ZCCHC4: variants seen among roughly 807,000 people sequenced by gnomAD.
ZCCHC4 encodes the protein zinc finger CCHC-type containing 4.
ZCCHC4 carries 54 observed loss-of-function variants against 67.7 expected under a neutral mutation model. The observed-to-expected ratio is 0.80, with a 90% CI of 0.64 to 1.00. The LOEUF (loss-of-function observed/expected upper bound fraction) is 1.00, where lower values mean the gene tolerates loss of function less well. ZCCHC4 is among the 50% of genes least tolerant of loss of function. ZCCHC4 has a pLI of 0.00. For synonymous variants in ZCCHC4, 198 were observed against 213.5 expected (o/e 0.93, Z 0.63); for missense variants, 609 against 617.0 (o/e 0.99, Z 0.14).
At chr4:25,363,125 G>A (rs1449901159) in intron 10 of ZCCHC4, among the ~76,000 whole-genome samples, 2 of 152,198 alleles carry the variant, frequency 1.3e-5, no homozygotes, top group Non-Finnish European at 2.9e-5. Flanking sequence ...GTGTCATACA[G>A]AGTGGTTTCA....
At chr4:25,366,515 G>C (rs1355709806) in intron 12 of ZCCHC4, among the ~76,000 whole-genome samples, 2 of 151,860 alleles carry the variant, frequency 1.3e-5, no homozygotes, top group Admixed American at 6.6e-5. Flanking sequence ...ACGGGGTTTC[G>C]CCGTGTTAGC....
intron 10 of ZCCHC4, 77 bp downstream of exon 10, chr4:25,362,378 C>T (rs1458919421): frequency 1.0e-6 from 1 of 960,658 alleles, no homozygotes; most frequent in African/African-American, 1.7e-5. Context: ...ATTACTTTTT[C>T]AATGTTATTT....
chr4:25,368,354 G>T (rs1471585381), intron 12 of ZCCHC4, among the ~76,000 whole-genome samples: 3 of 152,194 alleles, frequency 2.0e-5, no homozygotes, highest in Non-Finnish European at 2.9e-5. Context: ...TTTCTCAGCT[G>T]CAGGTCGCCT....
intron 10 of ZCCHC4, 143 bp from the exon 11 acceptor site, chr4:25,364,311 C>G (rs551222621): frequency 2.9e-5 from 16 of 552,594 alleles, no homozygotes; most frequent in Non-Finnish European, 4.6e-5. Flanking sequence ...ATCAAAGTAT[C>G]TAATTGTGAA....
intron 12 of ZCCHC4, chr4:25,365,629 T>G: frequency 3.0e-6 from 3 of 985,916 alleles, no homozygotes; most frequent in Non-Finnish European, 3.6e-6. Context: ...GTATCAAATT[T>G]TAAGAAAAAT....
At chr4:25,325,214 A>G (rs1383000389) in intron 3 of ZCCHC4, among the ~76,000 whole-genome samples, 2 of 117,002 alleles carry the variant, frequency 1.7e-5, no homozygotes, top group Admixed American at 1.8e-4. Context: ...ACTGCACTCC[A>G]GCCTGGGCGA....
At chr4:25,344,016 T>C (rs936965586) in intron 5 of ZCCHC4, among the ~76,000 whole-genome samples, 6 of 152,152 alleles carry the variant, frequency 3.9e-5, no homozygotes, top group African/African-American at 1.4e-4. Context: ...TTCTATATTA[T>C]ATGGAAAACT....
At chr4:25,356,344 C>T (rs1720517098) in intron 8 of ZCCHC4, among the ~76,000 whole-genome samples, 1 of 152,108 alleles carries the variant, frequency 6.6e-6, no homozygotes, top group Non-Finnish European at 1.5e-5. Flanking sequence ...ATTTGTGTGG[C>T]TGAAGCTATG....
chr4:25,327,418 T>TCCCTCCTTCCCTCCC (rs1718945865), intron 3 of ZCCHC4, among the ~76,000 whole-genome samples: 1 of 128,806 alleles, frequency 7.8e-6, no homozygotes, highest in Non-Finnish European at 1.6e-5. Flanking sequence ...CCTTCCCTCC[T>TCCCTCCTTCCCTCCC]TCCCTCCTTC....
chr4:25,351,018 A>G (rs10009504), intron 7 of ZCCHC4, among the ~76,000 whole-genome samples: 138,128 of 152,066 alleles, frequency 0.91, 62,989 homozygotes, highest in African/African-American at 0.98. Flanking sequence ...TTTTCAGCCT[A>G]TTGGAATTTT....
At chr4:25,345,458 A>T in intron 5 of ZCCHC4, 90 bp from the exon 6 acceptor site, 1 of 787,888 alleles carries the variant, frequency 1.3e-6, no homozygotes, top group Non-Finnish European at 2.0e-6. Flanking sequence ...GAAATTTTTT[A>T]AAGGTGTGAT....
chr4:25,327,292 A>G (rs575374902), intron 3 of ZCCHC4, among the ~76,000 whole-genome samples: 3 of 152,298 alleles, frequency 2.0e-5, no homozygotes, highest in African/African-American at 7.2e-5. Flanking sequence ...TCAGTCTTTC[A>G]GCTGTATGGT....
In ZCCHC4 at chr4:25,315,384, A is replaced by C. The variant is rs917165051; in HGVS notation, c.313A>C (p.Thr105Pro). The change falls in exon 3 of 13, where the codon ACG becomes CCG. Residue 105 changes from threonine (T) to proline (P), a missense_variant. Coordinates refer to ENST00000302874, the MANE Select transcript of ZCCHC4 (RefSeq NM_024936.3). ...NRRCQPPLSR[T>P]QCVERYLKFI... Reference sequence around the variant, plus strand: ...AAGATGTCAGCCTCCCCTGTCCCGAACGCAGTGTGTGGAAAGGTACTGATG... The same window carrying C: ...AAGATGTCAGCCTCCCCTGTCCCGACCGCAGTGTGTGGAAAGGTACTGATG... The C allele has an allele frequency of 6.2e-7, 1 of 1,612,462 alleles. No individual in the cohort carries two copies. The highest frequency in any genetic ancestry group is 1.7e-5 in the Admixed American group (1 of 59,816).
At chr4:25,338,928 C>T (rs1018392285) in intron 5 of ZCCHC4, among the ~76,000 whole-genome samples, 10 of 152,040 alleles carry the variant, frequency 6.6e-5, no homozygotes, top group African/African-American at 1.9e-4. Context: ...TTAGGGCTGC[C>T]GTAACAAAAT....
At chr4:25,323,689 T>G (rs1487189323) in intron 3 of ZCCHC4, among the ~76,000 whole-genome samples, 2 of 152,234 alleles carry the variant, frequency 1.3e-5, no homozygotes, top group African/African-American at 4.8e-5. Context: ...CTTAGTGATA[T>G]GGGGATCATT....
chr4:25,365,762 C>A lies in ZCCHC4; in HGVS notation c.1406+596C>A. The stretch of plus-strand genomic sequence containing the variant: ...GATTACAACTCAGAGTATGGGGATA[C>A]CTATGACAATAGCTTATTTAGAAGA... On this transcript the variant is annotated intron_variant, in intron 12 of 12. Transcript: ENST00000302874. 6.1e-6 allele frequency: 6 copies of A among 985,316 alleles called. No homozygotes were observed. The South Asian group carries it at 1.9e-4, about 31-fold the overall frequency. 61.0% of individuals were successfully genotyped at this position (985,316 alleles called of 1,614,324 possible). A position where few individuals can be genotyped will look rare whatever the true frequency, so the allele number is the denominator to read the frequency against.
chr4:25,321,705 G>C (rs1019393321), intron 3 of ZCCHC4, among the ~76,000 whole-genome samples: 4 of 151,280 alleles, frequency 2.6e-5, no homozygotes, highest in Non-Finnish European at 5.9e-5. Context: ...TAGAGATGGG[G>C]GTTCTCAATA....
At chr4:25,360,031 G>A (rs1186795785) in intron 8 of ZCCHC4, among the ~76,000 whole-genome samples, 1 of 152,194 alleles carries the variant, frequency 6.6e-6, no homozygotes, top group Admixed American at 6.5e-5. Context: ...ACCACTTGAT[G>A]GAACTAGGAC....
intron 8 of ZCCHC4, chr4:25,352,133 A>G (rs879303376): frequency 8.1e-6 from 8 of 986,258 alleles, no homozygotes; most frequent in African/African-American, 3.5e-5. Flanking sequence ...ACTTTACTGC[A>G]TCACTCTTGG....
Sources: allele counts gnomAD v4.1 joint callset (sites outside exome capture counted in the v4.1 genomes callset), GRCh38; gene constraint gnomAD v4.1.1; transcripts MANE v1.5; gene names NCBI Gene and HGNC (gene_info 2026-07-23, HGNC 2026-07-21).